Variants in GPC5 observed in about 807,000 individuals in gnomAD.
GPC5 encodes glypican-5.
Under a neutral mutation model 53.9 loss-of-function variants are expected in GPC5, and 47 were observed. The ratio of observed to expected loss-of-function variants is 0.87; its 90% confidence interval spans 0.69 to 1.11. GPC5 has a LOEUF of 1.11. GPC5 is among the 50% of genes most tolerant of loss of function. The pLI, the probability that GPC5 is intolerant of heterozygous loss-of-function variation, is 0.00. For synonymous variants in GPC5, 286 were observed against 263.3 expected, an observed-to-expected ratio of 1.09 and a Z score of -0.84; for missense variants, 748 against 713.1, an observed-to-expected ratio of 1.05 and a Z score of -0.56.
At chr13:92,601,680 A>T (rs919923336) in intron 7 of GPC5, among the ~76,000 whole-genome samples, 58 of 152,070 alleles carry the variant, frequency 3.8e-4, no homozygotes, top group African/African-American at 1.3e-3. Flanking sequence ...AATCATCTGA[A>T]AAAGAAAATA....
chr13:92,030,525 A>C (rs1208553199), intron 6 of GPC5, among the ~76,000 whole-genome samples: 2 of 152,168 alleles, frequency 1.3e-5, no homozygotes. Context: ...AAGTTCCTTA[A>C]AGTGTTGTCT....
chr13:91,900,946 C>T lies in GPC5; in HGVS notation c.1281-6991C>T, dbSNP rs1304612952. ...CTGGCATGCGTAGATTCACGCCTTGCCAAATCAGGAGTTAGGGTGAACAGT... is the reference window on the plus strand; with the variant it reads ...CTGGCATGCGTAGATTCACGCCTTGTCAAATCAGGAGTTAGGGTGAACAGT... On this transcript the variant is annotated intron_variant, in intron 5 of 7. Coordinates refer to ENST00000377067, the MANE Select transcript of GPC5 (RefSeq NM_004466.6). Among the ~76,000 whole-genome samples, 3 of 152,036 alleles carry T rather than the reference C, an allele frequency of 2.0e-5. No individual in the cohort carries two copies. In the East Asian group the frequency reaches 5.8e-4, roughly 29 times the overall value.
chr13:92,133,835 G>A (rs1054406324), intron 6 of GPC5, among the ~76,000 whole-genome samples: 4 of 152,136 alleles, frequency 2.6e-5, no homozygotes, highest in African/African-American at 7.2e-5. Context: ...GCTGATTCCC[G>A]CAGTCCATGT....
At chr13:92,034,302 C>T (rs1481415380) in intron 6 of GPC5, among the ~76,000 whole-genome samples, 2 of 152,018 alleles carry the variant, frequency 1.3e-5, no homozygotes, top group Non-Finnish European at 2.9e-5. Context: ...TCAAGACCAG[C>T]CTGGTCAACA....
chr13:92,724,912 A>ACACACACAC (rs1555306824), intron 7 of GPC5, among the ~76,000 whole-genome samples: 13 of 124,668 alleles, frequency 1.0e-4, no homozygotes, highest in Non-Finnish European at 1.6e-4. Context: ...ACACACACAC[A>ACACACACAC]AGAAAGAAAA....
At chr13:91,471,508 A>G (rs922471171) in intron 2 of GPC5, among the ~76,000 whole-genome samples, 1 of 152,176 alleles carries the variant, frequency 6.6e-6, no homozygotes, top group Non-Finnish European at 1.5e-5. Context: ...GGACATGTCT[A>G]GAAGTTAGAG....
At chr13:92,553,290 T>A (rs569993539) in intron 7 of GPC5, among the ~76,000 whole-genome samples, 1 of 152,112 alleles carries the variant, frequency 6.6e-6, no homozygotes, top group East Asian at 1.9e-4. Context: ...AGTTTTAACT[T>A]GTTCCCAAAA....
chr13:91,661,133 C>T lies in GPC5; in HGVS notation c.326-32054C>T, dbSNP rs529283767. ...AAGGGTCACCGAGAGAAGTATGGGT[C>T]CCCTGATTCTTCCACAGTCTGGCAG... is the stretch of plus-strand genomic sequence containing the variant. On this transcript the variant is annotated intron_variant, in intron 2 of 7. Coordinates refer to ENST00000377067, the MANE Select transcript of GPC5 (RefSeq NM_004466.6). Among the ~76,000 whole-genome samples, 9 of 151,986 alleles carry T rather than the reference C, an allele frequency of 5.9e-5. No individual in the cohort carries two copies. In the South Asian group the frequency reaches 1.9e-3, roughly 32 times the overall value.
intron 6 of GPC5, among the ~76,000 whole-genome samples, chr13:92,127,614 G>A (rs187664604): frequency 1.3e-5 from 2 of 152,240 alleles, no homozygotes; most frequent in East Asian, 3.9e-4. Flanking sequence ...ACCAGATACA[G>A]GTCTGGAATA....
At chr13:91,744,976 G>T (rs1180695134) in intron 4 of GPC5, among the ~76,000 whole-genome samples, 1 of 151,996 alleles carries the variant, frequency 6.6e-6, no homozygotes, top group East Asian at 1.9e-4. Context: ...AATTATAAGA[G>T]GTAGACACTG....
chr13:92,399,549 C>A (rs900772008), intron 7 of GPC5, among the ~76,000 whole-genome samples: 1 of 152,110 alleles, frequency 6.6e-6, no homozygotes, highest in Non-Finnish European at 1.5e-5. Context: ...CACACACACA[C>A]AAACTAAAAC....
chr13:92,561,605 G>T (rs911257606), intron 7 of GPC5, among the ~76,000 whole-genome samples: 1 of 151,994 alleles, frequency 6.6e-6, no homozygotes, highest in Non-Finnish European at 1.5e-5. Flanking sequence ...CATAAATAGA[G>T]AAATTTCTAG....
chr13:92,095,650 T>G (rs567648591), intron 6 of GPC5, among the ~76,000 whole-genome samples: 45 of 152,306 alleles, frequency 3.0e-4, no homozygotes, highest in African/African-American at 1.0e-3. Flanking sequence ...TTCTACTGCC[T>G]CGGCCTCCTG....
At chr13:92,847,367 A>G (rs1014605847) in intron 7 of GPC5, among the ~76,000 whole-genome samples, 3 of 152,176 alleles carry the variant, frequency 2.0e-5, no homozygotes, top group Non-Finnish European at 4.4e-5. Flanking sequence ...GTCCTCGCCC[A>G]AATCTCATGT....
intron 2 of GPC5, among the ~76,000 whole-genome samples, chr13:91,635,647 G>A (rs1426339501): frequency 6.6e-6 from 1 of 152,012 alleles, no homozygotes; most frequent in Non-Finnish European, 1.5e-5. Flanking sequence ...TTGTAGTGAA[G>A]GCTGTGGGGT....
In GPC5 at chr13:92,677,657, G is replaced by T. The variant is rs1886991654; in HGVS notation, c.1562-188625G>T. Among the ~76,000 whole-genome samples the T allele has an allele frequency of 2.6e-5, 4 of 152,188 alleles. No individual in the cohort carries two copies. In the South Asian group the frequency reaches 8.3e-4, roughly 31 times the overall value. The stretch of plus-strand genomic sequence containing the variant: ...TAGAGAGGCATCCCACATGAAGAAA[G>T]AAATCAGAACAGACGTGCAGAGGCA... On this transcript the variant is annotated intron_variant, in intron 7 of 7. Coordinates refer to ENST00000377067, the MANE Select transcript of GPC5 (RefSeq NM_004466.6).
chr13:92,501,357 A>G (rs1347997454), intron 7 of GPC5, among the ~76,000 whole-genome samples: 4 of 152,162 alleles, frequency 2.6e-5, no homozygotes, highest in South Asian at 4.1e-4. Flanking sequence ...CAGAAATGTG[A>G]CAATATACTT....
At chr13:91,707,838 C>CCA (rs1159746254) in intron 3 of GPC5, among the ~76,000 whole-genome samples, 1 of 150,548 alleles carries the variant, frequency 6.6e-6, no homozygotes, top group African/African-American at 2.5e-5. Context: ...ATATATATAT[C>CCA]CACAAAAAAA....
intron 6 of GPC5, among the ~76,000 whole-genome samples, chr13:91,979,170 T>C (rs79629745): frequency 0.024 from 3,605 of 152,100 alleles, 143 homozygotes; most frequent in African/African-American, 0.082. Context: ...ATTATCTTAA[T>C]TCAAAGAAAT....
Sources: allele counts gnomAD v4.1 joint callset (sites outside exome capture counted in the v4.1 genomes callset), GRCh38; gene constraint gnomAD v4.1.1; transcripts MANE v1.5; gene names NCBI Gene and HGNC (gene_info 2026-07-23, HGNC 2026-07-21).